NMT1: variants seen among roughly 807,000 people sequenced by gnomAD.
NMT1 encodes the protein glycylpeptide N-tetradecanoyltransferase 1.
A neutral mutation model predicts 63.4 loss-of-function variants in NMT1; 12 were observed. That is an observed-to-expected ratio of 0.19 (90% confidence interval 0.12 to 0.31). The LOEUF is 0.31. NMT1 is among the 10% of genes least tolerant of loss of function. NMT1 has a pLI of 1.00. For synonymous variants in NMT1, 228 were observed against 234.3 expected (o/e 0.97, Z 0.25); for missense variants, 432 against 634.6 (o/e 0.68, Z 3.43).
intron 1 of NMT1, among the ~76,000 whole-genome samples, chr17:45,074,516 G>A (rs1008570298): frequency 3.9e-5 from 6 of 152,282 alleles, no homozygotes; most frequent in African/African-American, 1.2e-4. Flanking sequence ...ATCGTGCCCG[G>A]CCGAGATGAC....
chr17:45,101,942 G>T (rs1157242422), intron 8 of NMT1, among the ~76,000 whole-genome samples: 2 of 152,204 alleles, frequency 1.3e-5, no homozygotes, highest in Admixed American at 6.5e-5. Context: ...TAGGCCGGTG[G>T]GCAGGCAGGC....
chr17:45,087,065 G>A (rs530952269), intron 3 of NMT1, among the ~76,000 whole-genome samples: 5 of 151,970 alleles, frequency 3.3e-5, no homozygotes, highest in Admixed American at 2.6e-4. Flanking sequence ...GGAGGCTGAG[G>A]TGGGAAGATC....
intron 1 of NMT1, among the ~76,000 whole-genome samples, chr17:45,072,409 A>G (rs1289184346): frequency 2.8e-5 from 4 of 143,856 alleles, no homozygotes; most frequent in Non-Finnish European, 6.1e-5. Context: ...ACAGGCGTGT[A>G]CCACCACCAC....
At chr17:45,085,386 A>G (rs765553026) in intron 2 of NMT1, among the ~76,000 whole-genome samples, 1 of 152,242 alleles carries the variant, frequency 6.6e-6, no homozygotes, top group African/African-American at 2.4e-5. Context: ...GGGTAGGTCC[A>G]GGTGTTTTCA....
chr17:45,068,682 T>TGTC (rs1331258723), intron 1 of NMT1, among the ~76,000 whole-genome samples: 5 of 152,346 alleles, frequency 3.3e-5, no homozygotes, highest in African/African-American at 1.2e-4. Flanking sequence ...AGTCTCACTC[T>TGTC]GTCGCCCAGG....
intron 8 of NMT1, chr17:45,099,792 C>G (rs958211702): frequency 1.5e-5 from 6 of 410,124 alleles, no homozygotes; most frequent in South Asian, 1.2e-4. Context: ...GTAATTTTAG[C>G]CTAAGTAAAG....
intron 7 of NMT1, chr17:45,098,806 T>C: frequency 2.2e-6 from 1 of 452,014 alleles, no homozygotes; most frequent in South Asian, 3.7e-5. Flanking sequence ...CATTTGGAGA[T>C]GGTGGGGGGC....
chr17:45,087,225 G>A (rs910359899), intron 3 of NMT1, among the ~76,000 whole-genome samples: 2 of 151,996 alleles, frequency 1.3e-5, no homozygotes, highest in Admixed American at 6.6e-5. Flanking sequence ...CACATGAAGA[G>A]TGGGAATGTC....
intron 1 of NMT1, among the ~76,000 whole-genome samples, chr17:45,066,721 G>A (rs1305171180): frequency 2.0e-5 from 3 of 151,958 alleles, no homozygotes; most frequent in Non-Finnish European, 4.4e-5. Context: ...TAAAATTATT[G>A]TTATTACTTT....
Position 45,081,757 on chromosome 17 carries a change from CA to C in NMT1, c.240+7del, listed in dbSNP as rs752296085. On this transcript the variant is annotated splice_donor_region_variant and intron_variant, in intron 2 of 11. Transcript: ENST00000258960. Reference sequence around the variant, plus strand: ...GCCCAGGATCAGCCTGTGAAGGTAACAAGGAGGTTCTGTTTTTTGTGACTCA... The same window carrying C: ...GCCCAGGATCAGCCTGTGAAGGTAACAGGAGGTTCTGTTTTTTGTGACTCA... The C allele has an allele frequency of 6.5e-7, 1 of 1,546,128 alleles. No homozygotes were observed. The highest frequency in any genetic ancestry group is 1.2e-5 in the South Asian group (1 of 83,484).
At chr17:45,097,266 C>G (rs767467616) in intron 6 of NMT1, 22 bp downstream of exon 6, 13 of 1,529,306 alleles carry the variant, frequency 8.5e-6, no homozygotes, top group South Asian at 1.1e-5. Context: ...CACCTACCCC[C>G]ACCCCCCACA....
Position 45,108,858 on chromosome 17 carries a change from C to G in NMT1, c.*3219C>G, listed in dbSNP as rs1598023743. On this transcript the variant is annotated 3_prime_UTR_variant, in exon 12 of 12. Coordinates refer to ENST00000258960, the MANE Select transcript of NMT1 (RefSeq NM_021079.5). Reference sequence around the variant, plus strand: ...ACTGGCTGGCAGGCAGGTGCCATGTCTGGGAACAGGGACGGGGGAGCTTCA... The same window carrying G: ...ACTGGCTGGCAGGCAGGTGCCATGTGTGGGAACAGGGACGGGGGAGCTTCA... 1.3e-5 allele frequency: 2 copies of G among 152,508 alleles called. No homozygotes were observed. Among genetic ancestry groups the G allele is most frequent in the South Asian group, 4.1e-4 (2 of 4,822 alleles). The allele number at this position is 152,508 out of a possible 1,614,324, so 9.4% of individuals were successfully genotyped here. A position where few individuals can be genotyped will look rare whatever the true frequency, so the allele number is the denominator to read the frequency against.
chr17:45,103,019 C>A lies in NMT1; in HGVS notation c.1062C>A (p.Thr354=), dbSNP rs751985902. 13 of 1,613,982 alleles carry A rather than the reference C, an allele frequency of 8.1e-6. No homozygotes were observed. In the Admixed American group the frequency reaches 8.3e-5, roughly 10 times the overall value. Residue 354 remains threonine, a synonymous_variant, in exon 9 of 12, where the codon ACC becomes ACA. Coordinates refer to ENST00000258960, the MANE Select transcript of NMT1 (RefSeq NM_021079.5). This position sits in a 1 kb window ranked among gnomAD's most constrained non-coding sequence, Gnocchi z 4.8. ...KDIPVVHQLL[T]RYLKQFHLTP... ...TTCCAGTAGTGCACCAGCTCCTCAC[C>A]AGGTACTTGAAGCAATTTCACCTTA... is the stretch of plus-strand genomic sequence containing the variant.
intron 1 of NMT1, 65 bp downstream of exon 1, chr17:45,061,525 G>A: frequency 3.4e-6 from 5 of 1,465,322 alleles, no homozygotes; most frequent in Non-Finnish European, 4.7e-6. Context: ...TGGGGTGCGG[G>A]GAAGTCACCG....
At chr17:45,079,117 TC>T (rs200198568) in intron 1 of NMT1, among the ~76,000 whole-genome samples, 1 of 149,756 alleles carries the variant, frequency 6.7e-6, no homozygotes, top group Non-Finnish European at 1.5e-5. Flanking sequence ...TTTTTTTTTT[TC>T]CCCAAGATGG....
intron 2 of NMT1, 41 bp from the exon 3 acceptor site, chr17:45,086,467 A>G: frequency 6.4e-7 from 1 of 1,570,128 alleles, no homozygotes; most frequent in South Asian, 1.2e-5. Context: ...AGTCTTACTA[A>G]CATAATGGGC....
chr17:45,082,822 C>T (rs1430183416), intron 2 of NMT1, among the ~76,000 whole-genome samples: 1 of 150,788 alleles, frequency 6.6e-6, no homozygotes, highest in Non-Finnish European at 1.5e-5. Flanking sequence ...TCAAGACCAC[C>T]CTGGCCAACA....
At position 45,103,051 on chromosome 17, in the gene NMT1, T is replaced by G; in HGVS notation, c.1094T>G (p.Val365Gly). 1 of 1,613,992 alleles carries G rather than the reference T, an allele frequency of 6.2e-7. No individual in the cohort carries two copies. The highest frequency in any genetic ancestry group is 1.7e-4 in the Middle Eastern group (1 of 6,058). ...RYLKQFHLTPVMSQEEVEHWF... is the reference protein window; with the variant it reads ...RYLKQFHLTPGMSQEEVEHWF... ...TTGAAGCAATTTCACCTTACGCCCG[T>G]CATGAGCCAGGAGGAGGTGGAGCAC... The change falls in exon 9 of 12, where the codon GTC (valine) becomes GGC (glycine). Residue 365 changes from valine to glycine, a missense_variant. Transcript: ENST00000258960. The surrounding 1 kb of genome is among the most constrained non-coding windows in gnomAD (Gnocchi z 4.8).
chr17:45,088,766 A>G (rs989601108), intron 3 of NMT1, among the ~76,000 whole-genome samples: 4 of 124,242 alleles, frequency 3.2e-5, no homozygotes, highest in African/African-American at 1.3e-4. Context: ...AAATGAATTT[A>G]AAAAAAAAAA....
Sources: gnomAD v4.1 joint callset for allele counts (sites outside exome capture counted in the v4.1 genomes callset) on GRCh38, gnomAD v4.1.1 for gene constraint, Gnocchi (gnomAD v3.1) non-coding constraint, MANE v1.5 for transcripts, NCBI Gene and HGNC (gene_info 2026-07-23, HGNC 2026-07-21) for gene names.